The following AHRR variants were observed in gnomAD, a reference collection of about 807,000 sequenced individuals.
AHRR encodes the protein aryl hydrocarbon receptor repressor.
Under a neutral mutation model 44.0 loss-of-function variants are expected in AHRR, and 28 were observed. The observed-to-expected ratio is 0.64, with a 90% CI of 0.47 to 0.87. AHRR has a LOEUF of 0.87. AHRR is among the 40% of genes least tolerant of loss of function. The pLI, the probability that AHRR is intolerant of heterozygous loss-of-function variation, is 0.00. For synonymous variants in AHRR, 434 were observed against 407.0 expected, an observed-to-expected ratio of 1.07 and a Z score of -0.80; for missense variants, 990 against 953.9, an observed-to-expected ratio of 1.04 and a Z score of -0.50.
At chr5:367,887 C>T (rs1002210364) in intron 3 of AHRR, 92 of 702,448 alleles carry the variant, frequency 1.3e-4, no homozygotes, top group Admixed American at 7.2e-4. Flanking sequence ...TCAGGAGGCC[C>T]CGAGCATTGG....
chr5:339,010 C>T (rs1205036406), intron 1 of AHRR, among the ~76,000 whole-genome samples: 1 of 152,156 alleles, frequency 6.6e-6, no homozygotes, highest in Non-Finnish European at 1.5e-5. Flanking sequence ...TATCTAGAAA[C>T]ACAATTTATT....
chr5:421,479 C>T (rs1736116701), intron 5 of AHRR: 2 of 489,566 alleles, frequency 4.1e-6, no homozygotes, highest in South Asian at 3.0e-5. Flanking sequence ...TGGGGTCCCG[C>T]GGGGTGTTTT....
chr5:349,452 C>T (rs1005091602), intron 2 of AHRR, among the ~76,000 whole-genome samples: 11 of 151,880 alleles, frequency 7.2e-5, no homozygotes, highest in Non-Finnish European at 2.9e-5. Context: ...CGGTGGCGGG[C>T]GCCTGTAGTC....
chr5:414,918 A>T (rs961390826), intron 5 of AHRR, among the ~76,000 whole-genome samples: 2 of 152,160 alleles, frequency 1.3e-5, no homozygotes, highest in African/African-American at 4.8e-5. Context: ...GACTAAAGGG[A>T]CTCTGAGGAC....
chr5:402,590 T>C (rs1335050559), intron 4 of AHRR, among the ~76,000 whole-genome samples: 1 of 152,106 alleles, frequency 6.6e-6, no homozygotes, highest in Non-Finnish European at 1.5e-5. Flanking sequence ...AGTGTAGATG[T>C]GTTGGAAGGC....
At chr5:394,140 T>C (rs951931985) in intron 4 of AHRR, among the ~76,000 whole-genome samples, 13 of 152,222 alleles carry the variant, frequency 8.5e-5, no homozygotes, top group African/African-American at 3.1e-4. Flanking sequence ...CTGGGTTTCT[T>C]GCTGGCTCTG....
At chr5:391,348 G>C (rs2126471565) in intron 4 of AHRR, among the ~76,000 whole-genome samples, 1 of 130,306 alleles carries the variant, frequency 7.7e-6, no homozygotes, top group Non-Finnish European at 1.7e-5. Flanking sequence ...GGCGGGCGCA[G>C]GGCGAGGCAG....
chr5:374,327 T>C (rs1357969064), intron 3 of AHRR, among the ~76,000 whole-genome samples: 14 of 152,212 alleles, frequency 9.2e-5, no homozygotes, highest in Admixed American at 9.2e-4. Context: ...TGCCCTGGCT[T>C]CTCCTGGGTC....
intron 2 of AHRR, among the ~76,000 whole-genome samples, chr5:346,026 C>G (rs1364687054): frequency 6.6e-6 from 1 of 152,206 alleles, no homozygotes; most frequent in Admixed American, 6.5e-5. Context: ...CAGGCTGACG[C>G]TGGCCCAGCG....
At chr5:324,462 TAAAA>T (rs201937010) in intron 1 of AHRR, among the ~76,000 whole-genome samples, 2 of 142,860 alleles carry the variant, frequency 1.4e-5, no homozygotes, top group Admixed American at 7.0e-5. Context: ...ATAAAAAAAT[TAAAA>T]AAAAAAAGAA....
At position 434,065 on chromosome 5, in the gene AHRR, G is replaced by T; in HGVS notation, c.1325G>T (p.Gly442Val). Residue 442 changes from glycine (G) to valine (V), a missense_variant, in exon 11 of 11, where the codon GGC (glycine) becomes GTC (valine). Physicochemically the swap from Gly to Val is moderately radical, Grantham distance 109 (BLOSUM62 -3). Coordinates refer to ENST00000684583, the MANE Select transcript of AHRR (RefSeq NM_001377236.1). ...TGCCTGCCCTGCCCGTGTGTCCAGG[G>T]CACTTTCAGGAACTCGCCCATCTCT... The part of the protein sequence containing the change: ...GSCLPCPCVQ[G>V]TFRNSPISHP... 6.2e-7 allele frequency: 1 copy of T among 1,612,744 alleles called. No homozygotes were observed. The highest frequency in any genetic ancestry group is 8.5e-7 in the Non-Finnish European group (1 of 1,179,900).
chr5:342,163 T>C lies in AHRR; in HGVS notation c.-10-1730T>C, dbSNP rs1043891489. ...TAAAAACCAGATACTCTTCGGTTGT[T>C]GGATGGAGTGTTTTATAAATTTCCA... On this transcript the variant is annotated intron_variant, in intron 1 of 10. Transcript: ENST00000684583. This position sits in a 1 kb window ranked among gnomAD's most constrained non-coding sequence, Gnocchi z 4.3. 6.6e-6 allele frequency among the ~76,000 whole-genome samples: 1 copy of C among 152,250 alleles called. No homozygotes were observed. Among genetic ancestry groups the C allele is most frequent in the Non-Finnish European group, 1.5e-5 (1 of 68,042 alleles).
At chr5:354,882 C>T (rs1040620149) in intron 3 of AHRR, among the ~76,000 whole-genome samples, 4 of 152,174 alleles carry the variant, frequency 2.6e-5, no homozygotes, top group South Asian at 2.1e-4. Context: ...CAGGGAAGGA[C>T]GTGGCCCATG....
chr5:420,206 T>C (rs1020783601), intron 5 of AHRR, among the ~76,000 whole-genome samples: 22 of 152,228 alleles, frequency 1.4e-4, no homozygotes, highest in African/African-American at 5.1e-4. Flanking sequence ...GGAGGAGCCG[T>C]TGGCTACTTG....
At chr5:348,241 T>A (rs541551010) in intron 2 of AHRR, among the ~76,000 whole-genome samples, 3 of 151,936 alleles carry the variant, frequency 2.0e-5, no homozygotes, top group African/African-American at 7.3e-5. Context: ...GCCTGTTTGA[T>A]GCTCCTTGTC....
In AHRR at chr5:406,568, G is replaced by A. The variant is rs1193161949; in HGVS notation, c.352-6776G>A. Among the ~76,000 whole-genome samples, 1 of 152,152 alleles carries A rather than the reference G, an allele frequency of 6.6e-6. No individual in the cohort carries two copies. The highest frequency in any genetic ancestry group is 1.5e-5 in the Non-Finnish European group (1 of 68,020). On this transcript the variant is annotated intron_variant, in intron 4 of 10. Coordinates refer to ENST00000684583, the MANE Select transcript of AHRR (RefSeq NM_001377236.1). This position sits in a 1 kb window ranked among gnomAD's most constrained non-coding sequence, Gnocchi z 4.7. Reference sequence around the variant, plus strand: ...TTAAGAAACAGAAAATACTCAAGCTGGTTAGGCTATTCAAGAACATAGAAA... The same window carrying A: ...TTAAGAAACAGAAAATACTCAAGCTAGTTAGGCTATTCAAGAACATAGAAA...
chr5:348,634 C>T (rs1742757790), intron 2 of AHRR, among the ~76,000 whole-genome samples: 1 of 152,186 alleles, frequency 6.6e-6, no homozygotes, highest in Admixed American at 6.5e-5. Flanking sequence ...TCTGTCTGCA[C>T]TTGGTATAAA....
intron 2 of AHRR, among the ~76,000 whole-genome samples, chr5:345,844 G>A (rs1042120067): frequency 1.3e-5 from 2 of 152,086 alleles, no homozygotes; most frequent in African/African-American, 2.4e-5. Flanking sequence ...CCCTTGGGAA[G>A]GAAGGATCCT....
At chr5:376,554 A>AAACACAGGAAAGATGTGAATGAATG in intron 3 of AHRR, 56 bp from the exon 4 acceptor site, 3 of 301,834 alleles carry the variant, frequency 9.9e-6, no homozygotes, top group South Asian at 6.4e-5. Flanking sequence ...GTGAATGAAG[A>AAACACAGGAAAGATGTGAATGAATG]AGAGTGGCCA....
Sources: allele counts gnomAD v4.1 joint callset (sites outside exome capture counted in the v4.1 genomes callset), GRCh38; gene constraint gnomAD v4.1.1; non-coding constraint Gnocchi (gnomAD v3.1); transcripts MANE v1.5; gene names NCBI Gene and HGNC (gene_info 2026-07-23, HGNC 2026-07-21).